The following MBNL3 variants were observed in gnomAD, a reference collection of about 807,000 sequenced individuals.
MBNL3 encodes muscleblind like splicing regulator 3.
Under a neutral mutation model 24.5 loss-of-function variants are expected in MBNL3, and 6 were observed. The ratio of observed to expected loss-of-function variants is 0.25; its 90% confidence interval spans 0.13 to 0.48. The LOEUF (loss-of-function observed/expected upper bound fraction) is 0.48. Among genes scored for constraint, MBNL3 ranks in the 20% least tolerant of loss-of-function variants. The pLI, the probability that MBNL3 is intolerant of heterozygous loss-of-function variation, is 0.99. For synonymous variants in MBNL3, 100 were observed against 101.7 expected (o/e 0.98, Z 0.10); for missense variants, 230 against 293.5 (o/e 0.78, Z 1.58).
chrX:132,426,758 G>A (rs1944340471), intron 2 of MBNL3, among the ~76,000 whole-genome samples: 1 of 111,711 alleles, frequency 9.0e-6, no homozygotes, highest in African/African-American at 3.3e-5. Flanking sequence ...TCTGGCTTAT[G>A]GCATATAACA....
chrX:132,482,898 T>C (rs756423170), intron 1 of MBNL3, among the ~76,000 whole-genome samples: 1 of 111,620 alleles, frequency 9.0e-6, no homozygotes, highest in African/African-American at 3.3e-5. Context: ...GCTATAGGCA[T>C]TCATGAAACA....
chrX:132,476,087 T>A (rs774125592), intron 1 of MBNL3, among the ~76,000 whole-genome samples: 3 of 111,833 alleles, frequency 2.7e-5, no homozygotes, highest in Non-Finnish European at 3.8e-5. Context: ...AAACCTTACT[T>A]ATTTTCACTT....
chrX:132,479,728 C>T (rs916405951), intron 1 of MBNL3, among the ~76,000 whole-genome samples: 1 of 111,849 alleles, frequency 8.9e-6, no homozygotes, highest in Non-Finnish European at 1.9e-5. Flanking sequence ...TAACAGATTA[C>T]TCAATCCCAT....
At chrX:132,482,543 T>C (rs1181115569) in intron 1 of MBNL3, among the ~76,000 whole-genome samples, 1 of 111,165 alleles carries the variant, frequency 9.0e-6, no homozygotes, top group African/African-American at 3.3e-5. Flanking sequence ...TCACTGCTCA[T>C]ACTGGTCTCC....
chrX:132,472,128 C>T (rs1457161351), intron 1 of MBNL3, among the ~76,000 whole-genome samples: 1 of 111,120 alleles, frequency 9.0e-6, no homozygotes, highest in Non-Finnish European at 1.9e-5. Flanking sequence ...TAAATTAGCG[C>T]CCTTCCCCTT....
In MBNL3 at chrX:132,374,250, C is replaced by T. The variant is rs1056803909; in HGVS notation, c.*5416G>A. On this transcript the variant is annotated 3_prime_UTR_variant, in exon 9 of 9. Coordinates refer to ENST00000370853, the MANE Select transcript of MBNL3 (RefSeq NM_001386889.1). The stretch of plus-strand genomic sequence containing the variant: ...TGAGGTATTTCACTGCTTACAACCA[C>T]TGAAAAAGGAAAACTTGTTCTAGAA... The T allele has an allele frequency of 4.6e-5, 5 of 109,551 alleles. No individual in the cohort carries two copies. The highest frequency in any genetic ancestry group is 9.5e-5 in the Non-Finnish European group (5 of 52,410). The allele number at this position is 109,551 out of a possible 1,213,427, so 9.0% of individuals were successfully genotyped here.
chrX:132,455,352 T>C (rs1026962980), intron 1 of MBNL3, among the ~76,000 whole-genome samples: 19 of 112,106 alleles, frequency 1.7e-4, no homozygotes, highest in Admixed American at 1.2e-3. Flanking sequence ...CGTCAATAAA[T>C]GGGGAAGCAA....
chrX:132,484,933 G>GCACA lies in MBNL3; in HGVS notation c.-704+3914_-704+3917dup, dbSNP rs3044539. Among the ~76,000 whole-genome samples, 274 of 102,600 alleles carry GCACA rather than the reference G, an allele frequency of 2.7e-3. 3 individuals carry two copies. Among genetic ancestry groups the GCACA allele is most frequent in the African/African-American group, 7.2e-3 (203 of 28,045 alleles). The allele number at this position is 102,600 out of a possible 115,157, so 89.1% of individuals were successfully genotyped here. Reference sequence around the variant, plus strand: ...ACATACAAAGGGAGAATACACACGCGCACACACACACACACACACACACAC... The same window carrying GCACA: ...ACATACAAAGGGAGAATACACACGCGCACACACACACACACACACACACACACAC... On this transcript the variant is annotated intron_variant, in intron 1 of 8. Transcript: ENST00000370853.
chrX:132,427,264 C>T (rs898607552), intron 2 of MBNL3, among the ~76,000 whole-genome samples: 1 of 111,825 alleles, frequency 8.9e-6, no homozygotes, highest in Non-Finnish European at 1.9e-5. Flanking sequence ...AAGTCAAATT[C>T]TTCCTACAGT....
chrX:132,380,818 G>A (rs1411137829), intron 8 of MBNL3, among the ~76,000 whole-genome samples: 1 of 109,540 alleles, frequency 9.1e-6, no homozygotes, highest in Non-Finnish European at 1.9e-5. Flanking sequence ...CAGGCAAAGA[G>A]GAGATTGAGG....
intron 1 of MBNL3, among the ~76,000 whole-genome samples, chrX:132,444,192 C>G (rs181138197): frequency 2.7e-5 from 3 of 110,350 alleles, no homozygotes; most frequent in African/African-American, 6.6e-5. Flanking sequence ...TAGCATTCCC[C>G]AGGTTTTTTG....
At chrX:132,449,878 T>C (rs1203474488) in intron 1 of MBNL3, among the ~76,000 whole-genome samples, 1 of 109,701 alleles carries the variant, frequency 9.1e-6, no homozygotes, top group East Asian at 2.9e-4. Context: ...CATTTGCTTG[T>C]CTGTAAAGGA....
rs746158801 is a variant in MBNL3, at chrX:132,488,201, TCTAGCTAG to T, written c.-704+642_-704+649del. Among the ~76,000 whole-genome samples the T allele has an allele frequency of 8.3e-3, 918 of 110,463 alleles. 10 individuals are homozygous for T. The highest frequency in any genetic ancestry group is 0.012 in the Non-Finnish European group (650 of 52,692). On this transcript the variant is annotated intron_variant, in intron 1 of 8. Coordinates refer to ENST00000370853, the MANE Select transcript of MBNL3 (RefSeq NM_001386889.1). ...ATTAATTTATCTGTTTTATCTATCA[TCTAGCTAG>T]CTAGCTAGCTAGCTAGCTATCTAAG...
chrX:132,447,525 G>A (rs1393270722), intron 1 of MBNL3, among the ~76,000 whole-genome samples: 1 of 111,647 alleles, frequency 9.0e-6, no homozygotes, highest in African/African-American at 3.3e-5. Context: ...AATTGTGAAT[G>A]GGAGTTCACT....
chrX:132,388,429 G>GACA (rs1290238223), intron 5 of MBNL3, among the ~76,000 whole-genome samples: 1 of 112,285 alleles, frequency 8.9e-6, no homozygotes, highest in African/African-American at 3.2e-5. Context: ...CTACTTATCT[G>GACA]GTTGTTAAAA....
intron 2 of MBNL3, among the ~76,000 whole-genome samples, chrX:132,415,712 A>G (rs774617228): frequency 1.3e-4 from 15 of 111,807 alleles, no homozygotes; most frequent in Non-Finnish European, 2.1e-4. Context: ...AAATGTCTCC[A>G]CTTCAGAATA....
chrX:132,461,585 T>A (rs1362841259), intron 1 of MBNL3, among the ~76,000 whole-genome samples: 2 of 111,420 alleles, frequency 1.8e-5, no homozygotes, highest in East Asian at 5.6e-4. Flanking sequence ...CCCAAAAGTA[T>A]CAGAGGCAGC....
At chrX:132,396,499 CCTATATATATTCATATATATTCAT>C (rs1384049040) in intron 3 of MBNL3, among the ~76,000 whole-genome samples, 29 of 63,675 alleles carry the variant, frequency 4.6e-4, no homozygotes, top group African/African-American at 1.8e-3. Flanking sequence ...TATATATATT[CCTATATATATTCATATATATTCAT>C]ATATATATTC....
intron 3 of MBNL3, among the ~76,000 whole-genome samples, chrX:132,396,343 TTC>T (rs1938287169): frequency 1.5e-5 from 1 of 65,850 alleles, no homozygotes; most frequent in African/African-American, 9.9e-5. Context: ...TTCATATATA[TTC>T]ATATATATAT....
Sources: allele counts gnomAD v4.1 joint callset (sites outside exome capture counted in the v4.1 genomes callset), GRCh38; gene constraint gnomAD v4.1.1; transcripts MANE v1.5; gene names NCBI Gene and HGNC (gene_info 2026-07-23, HGNC 2026-07-21).